ACACB: variants seen among roughly 807,000 people sequenced by gnomAD.
ACACB encodes acetyl-CoA carboxylase 2.
In ACACB, 209 loss-of-function variants were observed where a neutral mutation model predicts 278.8. The observed-to-expected ratio is 0.75, with a 90% confidence interval of 0.67 to 0.84. The LOEUF (loss-of-function observed/expected upper bound fraction) is 0.84. ACACB is among the 40% of genes least tolerant of loss of function. The probability of loss-of-function intolerance (pLI) is 0.00; values close to 1 mark genes in which losing one functional copy is unlikely to be tolerated. For missense variants in ACACB, 2,850 were observed against 3,269.0 expected (o/e 0.87, Z 3.13); for synonymous variants, 1,174 against 1,285.6 (o/e 0.91, Z 1.86).
At chr12:109,232,637 T>C (rs370146780) in intron 28 of ACACB, 32 bp from the exon 29 acceptor site, 4 of 1,606,138 alleles carry the variant, frequency 2.5e-6, no homozygotes, top group Non-Finnish European at 3.4e-6. Context: ...TGCAAGCAGC[T>C]GCCTCATCCC....
intron 33 of ACACB, chr12:109,236,412 T>C (rs1264966153): frequency 1.3e-5 from 2 of 152,398 alleles, no homozygotes; most frequent in Non-Finnish European, 2.9e-5. Context: ...TCTAGAACAG[T>C]GGTTGGCAAA....
intron 19 of ACACB, among the ~76,000 whole-genome samples, chr12:109,205,322 T>G (rs1296042888): frequency 6.6e-6 from 1 of 152,196 alleles, no homozygotes. Context: ...CATAAATGCT[T>G]GTGAGACAGA....
In ACACB at chr12:109,185,600, C is replaced by T. The variant is rs1394100325; in HGVS notation, c.1840C>T (p.His614Tyr). 1.2e-6 allele frequency: 2 copies of T among 1,613,984 alleles called. No homozygotes were observed. Among genetic ancestry groups the T allele is most frequent in the Admixed American group, 3.3e-5 (2 of 60,012 alleles). ...QLQIAMGVPL[H>Y]RLKDIRLLYG... ...TTAGATCGCCATGGGCGTGCCACTG[C>T]ACCGGCTGAAGGATATCCGGCTTCT... The change falls in exon 12 of 53, where the codon CAC becomes TAC. Residue 614 changes from histidine (H) to tyrosine (Y), a missense_variant. This residue lies in a region of ACACB where 2,265 missense variants were observed against 2,561.3 expected (regional missense o/e 0.88). Transcript: ENST00000338432.
At chr12:109,221,901 G>GT (rs1166735212) in intron 24 of ACACB, among the ~76,000 whole-genome samples, 9 of 150,150 alleles carry the variant, frequency 6.0e-5, no homozygotes, top group South Asian at 2.1e-4. Context: ...TTTTGGGGGG[G>GT]AGACAGAGTC....
chr12:109,260,743 T>A, intron 48 of ACACB, 86 bp downstream of exon 48: 8 of 1,310,126 alleles, frequency 6.1e-6, no homozygotes, highest in Non-Finnish European at 8.0e-6. Context: ...CATGGAGGGA[T>A]GCAGTGGCTG....
intron 17 of ACACB, among the ~76,000 whole-genome samples, chr12:109,198,107 A>G (rs1392991152): frequency 1.3e-5 from 2 of 151,966 alleles, no homozygotes; most frequent in African/African-American, 2.4e-5. Context: ...CATGTTGCTC[A>G]GGCTGGTCTT....
intron 24 of ACACB, 113 bp from the exon 25 acceptor site, chr12:109,222,394 A>C: frequency 1.1e-6 from 1 of 888,086 alleles, no homozygotes; most frequent in Non-Finnish European, 1.8e-6. Flanking sequence ...GCCTGTTTGG[A>C]GAGTGGAGCA....
rs1171342184 is a variant in ACACB, at chr12:109,216,725, A to C, written c.3439+19A>C. The C allele has an allele frequency of 4.3e-6, 7 of 1,614,106 alleles. No homozygotes were observed. The highest frequency in any genetic ancestry group is 5.9e-6 in the Non-Finnish European group (7 of 1,180,002). On this transcript the variant is annotated intron_variant, in intron 23 of 52. Transcript: ENST00000338432. ...CAGCAAGGCAAGAGATGCTGATGCCAACACCAGTGGGATGGTGGGGGGCGT... is the reference window on the plus strand; with the variant it reads ...CAGCAAGGCAAGAGATGCTGATGCCCACACCAGTGGGATGGTGGGGGGCGT...
rs188926764 is a variant in ACACB at position 109,142,314 on chromosome 12, A to G, written c.653+2256A>G. On this transcript the variant is annotated intron_variant, in intron 2 of 52. Coordinates refer to ENST00000338432, the MANE Select transcript of ACACB (RefSeq NM_001093.4). ...TTATAACATGATTATTATTATTACT[A>G]TTTCCTGAGTCTTGGATGCCAAAAT... Among the ~76,000 whole-genome samples the G allele has an allele frequency of 1.7e-4, 26 of 152,222 alleles. No homozygotes were observed. The East Asian group carries it at 3.9e-3, about 23-fold the overall frequency.
intron 28 of ACACB, among the ~76,000 whole-genome samples, chr12:109,227,716 A>G (rs1462137088): frequency 6.6e-6 from 1 of 152,228 alleles, no homozygotes; most frequent in Non-Finnish European, 1.5e-5. Context: ...TACAGTAGCC[A>G]TGTGTGCCTA....
chr12:109,142,860 T>A (rs920255963), intron 2 of ACACB, among the ~76,000 whole-genome samples: 2 of 152,142 alleles, frequency 1.3e-5, no homozygotes, highest in African/African-American at 4.8e-5. Flanking sequence ...AGCCATCACG[T>A]CTAGCCTACT....
chr12:109,178,984 T>C, intron 9 of ACACB, 104 bp from the exon 10 acceptor site: 2 of 1,091,206 alleles, frequency 1.8e-6, no homozygotes, highest in Admixed American at 2.0e-5. Flanking sequence ...ATGAGTACCC[T>C]AAACACATCA....
intron 16 of ACACB, among the ~76,000 whole-genome samples, chr12:109,194,511 C>CGTGCGT (rs529461816): frequency 1.8e-5 from 1 of 54,282 alleles, no homozygotes; most frequent in South Asian, 4.4e-4. Context: ...TCTGTGTGTG[C>CGTGCGT]ATGTGTGTGT....
intron 20 of ACACB, among the ~76,000 whole-genome samples, chr12:109,208,495 A>T (rs1306305718): frequency 6.6e-6 from 1 of 152,196 alleles, no homozygotes; most frequent in African/African-American, 2.4e-5. Context: ...GGCATCAGCC[A>T]CCGCACCCCA....
intron 1 of ACACB, among the ~76,000 whole-genome samples, chr12:109,132,816 A>C (rs549123840): frequency 6.6e-6 from 1 of 152,260 alleles, no homozygotes; most frequent in East Asian, 1.9e-4. Context: ...CTGGCAAGGA[A>C]GGTTTGGGGG....
chr12:109,216,219 CTT>C (rs1194453989), intron 22 of ACACB, among the ~76,000 whole-genome samples: 6 of 128,136 alleles, frequency 4.7e-5, no homozygotes, highest in African/African-American at 5.7e-5. Context: ...CTCTCTCTCT[CTT>C]TTTTTTTTTT....
chr12:109,265,184 C>A lies in ACACB; in HGVS notation c.7017C>A (p.Val2339=), dbSNP rs1417444816. 1 of 1,613,864 alleles carries A rather than the reference C, an allele frequency of 6.2e-7. No individual in the cohort carries two copies. The highest frequency in any genetic ancestry group is 8.5e-7 in the Non-Finnish European group (1 of 1,180,026). The change falls in exon 51 of 53, where the codon GTC becomes GTA. Residue 2339 remains valine, a synonymous_variant. Transcript: ENST00000338432. The stretch of plus-strand genomic sequence containing the variant: ...GCCGCCTCCTCCTGGAGGACCAGGT[C>A]AAGCAGGAGATCCTGCAGGCCAGCG... ...RLRRLLLEDQ[V]KQEILQASGE...
intron 24 of ACACB, 97 bp from the exon 25 acceptor site, chr12:109,222,410 C>G: frequency 9.0e-7 from 1 of 1,108,158 alleles, no homozygotes; most frequent in South Asian, 1.3e-5. Flanking sequence ...GAGCAGCCGC[C>G]TGGCTTTTGC....
chr12:109,260,414 T>G, intron 47 of ACACB, 66 bp from the exon 48 acceptor site: 1 of 1,597,452 alleles, frequency 6.3e-7, no homozygotes. Flanking sequence ...CCAGGACAAC[T>G]AGGGCAGTGG....
Sources: allele counts gnomAD v4.1 joint callset (sites outside exome capture counted in the v4.1 genomes callset), GRCh38; gene constraint gnomAD v4.1.1; regional missense constraint gnomAD v4.1.1; transcripts MANE v1.5; gene names NCBI Gene and HGNC (gene_info 2026-07-23, HGNC 2026-07-21).